BCL10: variants seen among roughly 807,000 people sequenced by gnomAD.
The protein encoded by BCL10 is BCL10 immune signaling adaptor, also known as B-cell lymphoma/leukemia 10.
A neutral mutation model predicts 19.2 loss-of-function variants in BCL10; 5 were observed. The ratio of observed to expected loss-of-function variants is 0.26; its 90% CI spans 0.14 to 0.55. The LOEUF (loss-of-function observed/expected upper bound fraction) is 0.55. BCL10 is among the 20% of genes least tolerant of loss of function. The probability of loss-of-function intolerance (pLI) is 0.94; values close to 1 mark genes in which losing one functional copy is unlikely to be tolerated. For synonymous variants in BCL10, 110 were observed against 98.8 expected, an observed-to-expected ratio of 1.11 and a Z score of -0.67; for missense variants, 201 against 271.9, an observed-to-expected ratio of 0.74 and a Z score of 1.83.
At position 85,276,413 on chromosome 1, in the gene BCL10, C is replaced by G. The variant is rs1660534709; in HGVS notation, c.-61G>C. ...GGAGCTCGGGCTGCGCCGCCCCGCC[C>G]TGGCTGGGGGCTTCGGCCTCCGGGT... On this transcript the variant is annotated 5_prime_UTR_variant, in exon 1 of 3. Transcript: ENST00000648566. 2 of 1,583,674 alleles carry G rather than the reference C, an allele frequency of 1.3e-6. No individual in the cohort carries two copies. Among genetic ancestry groups the G allele is most frequent in the Non-Finnish European group, 1.7e-6 (2 of 1,153,688 alleles).
chr1:85,269,511 A>G (rs1660302457), intron 2 of BCL10, among the ~76,000 whole-genome samples: 1 of 152,254 alleles, frequency 6.6e-6, no homozygotes, highest in Non-Finnish European at 1.5e-5. Flanking sequence ...ACCTCACAGT[A>G]CAGTCAGCAT....
rs1660233114 is a variant in BCL10 at position 85,267,551 on chromosome 1, T to C, written c.*76A>G. 3 of 1,217,248 alleles carry C rather than the reference T, an allele frequency of 2.5e-6. No homozygotes were observed. In the South Asian group the frequency reaches 4.7e-5, roughly 19 times the overall value. 75.4% of individuals were successfully genotyped at this position (1,217,248 alleles called of 1,614,324 possible). On this transcript the variant is annotated 3_prime_UTR_variant, in exon 3 of 3. Transcript: ENST00000648566. ...ACATGCATCAAATGTAAACAAATGA[T>C]TACAGCCATTTTATAAAAAGTCATA...
chr1:85,275,383 TTG>T (rs982254102), intron 1 of BCL10, among the ~76,000 whole-genome samples: 1 of 152,200 alleles, frequency 6.6e-6, no homozygotes, highest in Non-Finnish European at 1.5e-5. Flanking sequence ...GTCACACCAA[TTG>T]TGAGTACAGT....
chr1:85,273,267 C>T (rs977109974), intron 1 of BCL10, among the ~76,000 whole-genome samples: 1 of 152,154 alleles, frequency 6.6e-6, no homozygotes, highest in African/African-American at 2.4e-5. Context: ...CCCCTTATTG[C>T]CAAATATTTT....
intron 1 of BCL10, among the ~76,000 whole-genome samples, chr1:85,272,195 T>C (rs1660384414): frequency 6.6e-6 from 1 of 152,032 alleles, no homozygotes; most frequent in African/African-American, 2.4e-5. Flanking sequence ...CCTCAACATT[T>C]CTCCTTCAGG....
chr1:85,269,540 A>G (rs1660303562), intron 2 of BCL10, among the ~76,000 whole-genome samples: 1 of 152,238 alleles, frequency 6.6e-6, no homozygotes, highest in South Asian at 2.1e-4. Context: ...CATGCTATAC[A>G]AACTACTTTC....
At position 85,266,367 on chromosome 1, in the gene BCL10, AC is replaced by A. The variant is rs1188875931; in HGVS notation, c.*1259del. ...AGATAAAATTGTAATTTAAATAAAA[AC>A]AAACAGTGAGAGCATAAGATTTATA... On this transcript the variant is annotated 3_prime_UTR_variant, in exon 3 of 3. Coordinates refer to ENST00000648566, the MANE Select transcript of BCL10 (RefSeq NM_003921.5). The A allele has an allele frequency of 5.4e-6, 1 of 186,610 alleles. No homozygotes were observed. Among genetic ancestry groups the A allele is most frequent in the Non-Finnish European group, 1.1e-5 (1 of 88,318 alleles). The allele number at this position is 186,610 out of a possible 1,614,324, so 11.6% of individuals were successfully genotyped here.
In BCL10 at chr1:85,270,886, T is replaced by C. The variant is rs771239853; in HGVS notation, c.78A>G (p.Val26=). 3 of 1,608,674 alleles carry C rather than the reference T, an allele frequency of 1.9e-6. No homozygotes were observed. The highest frequency in any genetic ancestry group is 2.2e-5 in the South Asian group (2 of 89,880). The change falls in exon 2 of 3, where the codon GTA becomes GTG. Residue 26 remains valine, a synonymous_variant. Coordinates refer to ENST00000648566, the MANE Select transcript of BCL10 (RefSeq NM_003921.5). ...CAGCTATGATTTTCTCACACAGGTA[T>C]ACACGTAAATTTTCTAAGGCCTAAA... ...VKKDALENLR[V]YLCEKIIAER...
chr1:85,268,424 AGAACT>A (rs1660263431), intron 2 of BCL10, among the ~76,000 whole-genome samples: 1 of 152,250 alleles, frequency 6.6e-6, no homozygotes, highest in Non-Finnish European at 1.5e-5. Flanking sequence ...ATAGGATATT[AGAACT>A]AAAAGGAATT....
intron 1 of BCL10, among the ~76,000 whole-genome samples, chr1:85,273,880 C>G (rs1017773347): frequency 1.3e-5 from 2 of 151,790 alleles, no homozygotes; most frequent in African/African-American, 4.9e-5. Flanking sequence ...CCCTACTATA[C>G]TTGGGGGGAA....
Position 85,267,994 on chromosome 1 carries a change from T to G in BCL10, c.347-12A>C. Reference sequence around the variant, plus strand: ...GCTACATTTTAGTCCTACAATAAAATTATTCAGATGTAAATGAAAAAGTAA... The same window carrying G: ...GCTACATTTTAGTCCTACAATAAAAGTATTCAGATGTAAATGAAAAAGTAA... On this transcript the variant is annotated splice_polypyrimidine_tract_variant and intron_variant, in intron 2 of 2. Coordinates refer to ENST00000648566, the MANE Select transcript of BCL10 (RefSeq NM_003921.5). 2 of 1,491,256 alleles carry G rather than the reference T, an allele frequency of 1.3e-6. No homozygotes were observed. Among genetic ancestry groups the G allele is most frequent in the Non-Finnish European group, 1.8e-6 (2 of 1,113,604 alleles). 92.4% of individuals were successfully genotyped at this position (1,491,256 alleles called of 1,614,324 possible). A position where few individuals can be genotyped will look rare whatever the true frequency, so the allele number is the denominator to read the frequency against.
chr1:85,268,786 A>AAG (rs1660278392), intron 2 of BCL10, among the ~76,000 whole-genome samples: 1 of 151,734 alleles, frequency 6.6e-6, no homozygotes. Context: ...AAAAAAAAAA[A>AAG]AGAGAAAAAA....
chr1:85,269,240 T>C (rs1404390876), intron 2 of BCL10, among the ~76,000 whole-genome samples: 1 of 152,270 alleles, frequency 6.6e-6, no homozygotes, highest in Non-Finnish European at 1.5e-5. Flanking sequence ...ACATTTCTTT[T>C]CTTTAAAAGT....
At chr1:85,268,395 A>G (rs1258425857) in intron 2 of BCL10, among the ~76,000 whole-genome samples, 3 of 152,248 alleles carry the variant, frequency 2.0e-5, no homozygotes, top group African/African-American at 7.2e-5. Flanking sequence ...GATCAATGAC[A>G]ATGGCTAATT....
Position 85,272,081 on chromosome 1 carries a change from GCA to G in BCL10, c.58-1177_58-1176del, listed in dbSNP as rs1660381668. 2.0e-5 allele frequency among the ~76,000 whole-genome samples: 3 copies of G among 152,236 alleles called. No individual in the cohort carries two copies. The South Asian group carries it at 6.2e-4, about 32-fold the overall frequency. ...AGATTATAGGTCAAATACAGGAAAA[GCA>G]CAGAGTGAGCAAATAACTATGTCCA... On this transcript the variant is annotated intron_variant, in intron 1 of 2. Transcript: ENST00000648566.
At position 85,267,588 on chromosome 1, in the gene BCL10, A is replaced by AT; in HGVS notation, c.*38dup. 1.4e-6 allele frequency: 2 copies of AT among 1,481,338 alleles called. No homozygotes were observed. The highest frequency in any genetic ancestry group is 1.3e-5 in the South Asian group (1 of 75,164). 91.8% of individuals were successfully genotyped at this position (1,481,338 alleles called of 1,614,324 possible). Reference sequence around the variant, plus strand: ...TATAAAAAGTCATATTCTTTAAAACATTTTTTGTCATCATTAAAAATTAAA... The same window carrying AT: ...TATAAAAAGTCATATTCTTTAAAACATTTTTTTGTCATCATTAAAAATTAAA... On this transcript the variant is annotated 3_prime_UTR_variant, in exon 3 of 3. Coordinates refer to ENST00000648566, the MANE Select transcript of BCL10 (RefSeq NM_003921.5).
intron 2 of BCL10, among the ~76,000 whole-genome samples, chr1:85,269,807 T>A (rs1032212020): frequency 6.6e-5 from 10 of 152,224 alleles, no homozygotes; most frequent in Admixed American, 1.3e-4. Flanking sequence ...TATTCTGGAG[T>A]GAGAGTGAAA....
intron 1 of BCL10, 55 bp from the exon 2 acceptor site, chr1:85,270,961 T>A (rs1354732135): frequency 6.5e-6 from 10 of 1,528,750 alleles, no homozygotes; most frequent in Non-Finnish European, 8.9e-6. Context: ...GAAAATCACA[T>A]ACGTGACTAT....
intron 1 of BCL10, among the ~76,000 whole-genome samples, chr1:85,273,003 A>G (rs967457874): frequency 6.6e-6 from 1 of 152,022 alleles, no homozygotes; most frequent in East Asian, 1.9e-4. Context: ...TTCCTTACGT[A>G]TTTTTTGTCT....
Sources: gnomAD v4.1 joint callset for allele counts (sites outside exome capture counted in the v4.1 genomes callset) on GRCh38, gnomAD v4.1.1 for gene constraint, MANE v1.5 for transcripts, NCBI Gene and HGNC (gene_info 2026-07-23, HGNC 2026-07-21) for gene names.